TRAPPC9: variants seen among roughly 807,000 people sequenced by gnomAD.
TRAPPC9 encodes the protein trafficking protein particle complex subunit 9, also known as IKK2 binding protein.
TRAPPC9 carries 83 observed loss-of-function variants against 124.0 expected under a neutral mutation model. That is an observed-to-expected ratio of 0.67 (90% CI 0.56 to 0.80). TRAPPC9 has a LOEUF of 0.80. Among genes scored for constraint, TRAPPC9 ranks in the 30% least tolerant of loss-of-function variants. TRAPPC9 has a pLI of 0.00. For synonymous variants in TRAPPC9, 638 were observed against 617.5 expected (o/e 1.03, Z -0.49); for missense variants, 1,302 against 1,508.3 (o/e 0.86, Z 2.27).
intron 9 of TRAPPC9, among the ~76,000 whole-genome samples, chr8:140,334,419 G>A (rs2066980440): frequency 6.6e-6 from 1 of 151,854 alleles, no homozygotes; most frequent in East Asian, 1.9e-4. Context: ...GGAGGCCAAG[G>A]CAGGAGGATC....
chr8:140,458,309 T>A (rs776486713), upstream of TRAPPC9: 3 of 1,566,494 alleles, frequency 1.9e-6, no homozygotes, highest in Non-Finnish European at 2.6e-6. Context: ...AGCTCAAATT[T>A]CACTTCCTCT....
intron 15 of TRAPPC9, among the ~76,000 whole-genome samples, chr8:140,264,379 G>A (rs12542085): frequency 0.11 from 16,117 of 152,052 alleles, 1,090 homozygotes; most frequent in Admixed American, 0.17. Context: ...TTGCTTTCCC[G>A]GCTTCCTTCC....
At chr8:139,733,138 C>T (rs1047903606) in intron 21 of TRAPPC9, among the ~76,000 whole-genome samples, 6 of 152,046 alleles carry the variant, frequency 3.9e-5, no homozygotes, top group African/African-American at 1.2e-4. Context: ...TGAAAGGTCC[C>T]GATAGGAGCT....
At chr8:139,796,840 G>A (rs1823134248) in intron 21 of TRAPPC9, among the ~76,000 whole-genome samples, 1 of 152,198 alleles carries the variant, frequency 6.6e-6, no homozygotes. Context: ...CTTCCAAAGT[G>A]GCTGCACTAT....
chr8:140,053,742 G>C (rs1022515203), intron 17 of TRAPPC9, among the ~76,000 whole-genome samples: 1 of 152,148 alleles, frequency 6.6e-6, no homozygotes, highest in African/African-American at 2.4e-5. Context: ...GTGATGTTGG[G>C]TGCGTACATA....
chr8:140,239,676 C>T (rs1300506874), intron 16 of TRAPPC9, among the ~76,000 whole-genome samples: 1 of 152,236 alleles, frequency 6.6e-6, no homozygotes, highest in Non-Finnish European at 1.5e-5. Flanking sequence ...AGGTCCTCTG[C>T]TCTCGCCAGC....
chr8:139,737,234 C>T (rs1326549781), intron 21 of TRAPPC9, among the ~76,000 whole-genome samples: 2 of 152,152 alleles, frequency 1.3e-5, no homozygotes, highest in African/African-American at 4.8e-5. Context: ...CCAGGGGCCA[C>T]GCAGCCTGCC....
intron 5 of TRAPPC9, among the ~76,000 whole-genome samples, chr8:140,418,529 T>C (rs2132502071): frequency 6.6e-6 from 1 of 152,240 alleles, no homozygotes; most frequent in African/African-American, 2.4e-5. Flanking sequence ...AAGAGCAGCC[T>C]AGCCAACATG....
At chr8:140,349,594 G>A (rs2067482211) in intron 9 of TRAPPC9, among the ~76,000 whole-genome samples, 2 of 152,292 alleles carry the variant, frequency 1.3e-5, no homozygotes, top group African/African-American at 4.8e-5. Context: ...TGCACACAGG[G>A]AAGCCAGTGG....
At chr8:140,103,112 G>A (rs2060609012) in intron 17 of TRAPPC9, among the ~76,000 whole-genome samples, 1 of 152,144 alleles carries the variant, frequency 6.6e-6, no homozygotes, top group Non-Finnish European at 1.5e-5. Flanking sequence ...GAGGACCGAG[G>A]GATGGGAGGT....
intron 17 of TRAPPC9, among the ~76,000 whole-genome samples, chr8:140,159,576 G>C (rs1422718098): frequency 6.6e-6 from 1 of 152,202 alleles, no homozygotes; most frequent in Non-Finnish European, 1.5e-5. Context: ...CATAGATAAT[G>C]CCAGAATGTC....
chr8:140,425,877 T>A, intron 5 of TRAPPC9, among the ~76,000 whole-genome samples: 1 of 152,192 alleles, frequency 6.6e-6, no homozygotes, highest in Admixed American at 6.5e-5. Flanking sequence ...ATCAGGAAAC[T>A]TAGCCACGGC....
chr8:139,893,902 A>G lies in TRAPPC9; in HGVS notation c.2965-7933T>C, dbSNP rs145364508. Reference sequence around the variant, plus strand: ...CCAACCTGGGATGTCACGTAGCACCACGTGATGCTCACAGAGCGGAACTCC... The same window carrying G: ...CCAACCTGGGATGTCACGTAGCACCGCGTGATGCTCACAGAGCGGAACTCC... On this transcript the variant is annotated intron_variant, in intron 20 of 22. Transcript: ENST00000438773. 2.1e-3 allele frequency among the ~76,000 whole-genome samples: 314 copies of G among 152,336 alleles called. 2 individuals carry two copies. The highest frequency in any genetic ancestry group is 2.7e-3 in the Non-Finnish European group (181 of 68,026).
At chr8:140,311,703 C>T (rs560585791) in intron 9 of TRAPPC9, among the ~76,000 whole-genome samples, 1 of 152,268 alleles carries the variant, frequency 6.6e-6, no homozygotes, top group South Asian at 2.1e-4. Context: ...TATTTTATAA[C>T]TTAACCATAC....
chr8:140,364,854 G>A (rs1381775992), intron 8 of TRAPPC9, among the ~76,000 whole-genome samples: 2 of 152,018 alleles, frequency 1.3e-5, no homozygotes, highest in Non-Finnish European at 2.9e-5. Flanking sequence ...TTACAGGCAT[G>A]AGCCACCATA....
At chr8:139,849,626 G>A (rs1049935653) in intron 21 of TRAPPC9, among the ~76,000 whole-genome samples, 8 of 152,170 alleles carry the variant, frequency 5.3e-5, no homozygotes, top group East Asian at 3.8e-4. Context: ...TCAATAATGC[G>A]CCATATGGTG....
intron 9 of TRAPPC9, among the ~76,000 whole-genome samples, chr8:140,324,285 T>G (rs1373310591): frequency 6.6e-6 from 1 of 152,124 alleles, no homozygotes; most frequent in African/African-American, 2.4e-5. Flanking sequence ...CAAAGGGGAT[T>G]TCAGTGTAAG....
At chr8:139,922,556 G>A (rs1832579199) in intron 19 of TRAPPC9, among the ~76,000 whole-genome samples, 1 of 152,238 alleles carries the variant, frequency 6.6e-6, no homozygotes, top group African/African-American at 2.4e-5. Context: ...CAGGAGTCAA[G>A]TCTACGTGGA....
At chr8:140,239,697 T>G (rs1170550007) in intron 16 of TRAPPC9, among the ~76,000 whole-genome samples, 1 of 152,252 alleles carries the variant, frequency 6.6e-6, no homozygotes, top group African/African-American at 2.4e-5. Context: ...CCCTGGGCTC[T>G]CTGGCCTCAG....
Sources: allele counts gnomAD v4.1 joint callset (sites outside exome capture counted in the v4.1 genomes callset), GRCh38; gene constraint gnomAD v4.1.1; transcripts MANE v1.5; gene names NCBI Gene and HGNC (gene_info 2026-07-23, HGNC 2026-07-21).